The following NTSR1 variants were observed in gnomAD, a reference collection of about 807,000 sequenced individuals.
NTSR1 encodes the protein neurotensin receptor 1.
NTSR1 carries 29 observed loss-of-function variants against 31.2 expected under a neutral mutation model. The observed-to-expected ratio is 0.93, with a 90% CI of 0.69 to 1.27. The LOEUF (loss-of-function observed/expected upper bound fraction) is 1.27, where lower values mean the gene tolerates loss of function less well. NTSR1 is among the 50% of genes most tolerant of loss of function. NTSR1 has a pLI of 0.00. For synonymous variants in NTSR1, 282 were observed against 269.9 expected, an observed-to-expected ratio of 1.04 and a Z score of -0.44; for missense variants, 697 against 595.4, an observed-to-expected ratio of 1.17 and a Z score of -1.78.
At chr20:62,748,576 T>G (rs575170416) in intron 1 of NTSR1, among the ~76,000 whole-genome samples, 1 of 152,186 alleles carries the variant, frequency 6.6e-6, no homozygotes, top group African/African-American at 2.4e-5. Context: ...TAGTACCACA[T>G]AGACCCACGG....
intron 1 of NTSR1, among the ~76,000 whole-genome samples, chr20:62,718,700 C>T (rs1168790824): frequency 6.6e-6 from 1 of 152,130 alleles, no homozygotes; most frequent in Non-Finnish European, 1.5e-5. Flanking sequence ...ATTGACCAGG[C>T]GTTCCTTTTT....
chr20:62,754,950 C>T (rs894685852), intron 2 of NTSR1, 64 bp downstream of exon 2: 6 of 1,438,422 alleles, frequency 4.2e-6, no homozygotes, highest in Non-Finnish European at 5.6e-6. Flanking sequence ...GCAGCGAGCG[C>T]TGAACCACCC....
At position 62,708,964 on chromosome 20, in the gene NTSR1, A is replaced by C; in HGVS notation, c.-244A>C. On this transcript the variant is annotated 5_prime_UTR_variant, in exon 1 of 4. Transcript: ENST00000370501. The surrounding 1 kb of genome is among the most constrained non-coding windows in gnomAD (Gnocchi z 5.9). ...GCCGAGCCGGGAGACAGCCCGAGGAACCACGGGTTCTGGAGCTAGGAGCCG... is the reference window on the plus strand; with the variant it reads ...GCCGAGCCGGGAGACAGCCCGAGGACCCACGGGTTCTGGAGCTAGGAGCCG... The C allele has an allele frequency of 1.7e-5, 7 of 406,234 alleles. No individual in the cohort carries two copies. The highest frequency in any genetic ancestry group is 3.9e-5 in the East Asian group (1 of 25,728). The allele number at this position is 406,234 out of a possible 1,614,324, so 25.2% of individuals were successfully genotyped here.
In NTSR1 at chr20:62,733,641, TAGAG is replaced by T. The variant is rs750894387; in HGVS notation, c.715-21042_715-21039del. ...ACACACATGGAGAAAAAGAGGGAGATAGAGAAGAGAGAGGGAGAGAGAAAAGGAA... is the reference window on the plus strand; with the variant it reads ...ACACACATGGAGAAAAAGAGGGAGATAAGAGAGAGGGAGAGAGAAAAGGAA... On this transcript the variant is annotated intron_variant, in intron 1 of 3. Transcript: ENST00000370501. This position sits in a 1 kb window ranked among gnomAD's most constrained non-coding sequence, Gnocchi z 5.2. 1.4e-5 allele frequency among the ~76,000 whole-genome samples: 2 copies of T among 147,682 alleles called. No homozygotes were observed. The highest frequency in any genetic ancestry group is 3.0e-5 in the Non-Finnish European group (2 of 66,326).
Position 62,758,281 on chromosome 20 carries a change from C to T in NTSR1, c.932C>T (p.Ala311Val), listed in dbSNP as rs758553462. 6.2e-7 allele frequency: 1 copy of T among 1,613,644 alleles called. No individual in the cohort carries two copies. The highest frequency in any genetic ancestry group is 2.2e-5 in the East Asian group (1 of 44,892). ...TGTGCCTCAGGTGCAGTGGTCATCGCCTTTGTGGTCTGCTGGCTGCCCTAC... is the reference window on the plus strand; with the variant it reads ...TGTGCCTCAGGTGCAGTGGTCATCGTCTTTGTGGTCTGCTGGCTGCCCTAC... Reference protein sequence around the residue: ...GVRVLRAVVIAFVVCWLPYHV... With the variant: ...GVRVLRAVVIVFVVCWLPYHV... Residue 311 changes from alanine to valine, a missense_variant, in exon 3 of 4, where the codon GCC becomes GTC. Physicochemically the swap from Ala to Val is moderately conservative, Grantham distance 64 (BLOSUM62 0). Transcript: ENST00000370501. The surrounding 1 kb of genome is among the most constrained non-coding windows in gnomAD (Gnocchi z 4.5).
chr20:62,742,727 C>T lies in NTSR1; in HGVS notation c.715-11958C>T, dbSNP rs1989226154. 6.7e-6 allele frequency among the ~76,000 whole-genome samples: 1 copy of T among 149,382 alleles called. No homozygotes were observed. Among genetic ancestry groups the T allele is most frequent in the Admixed American group, 6.7e-5 (1 of 14,822 alleles). ...CTGGTCAGAGCCTCCTGGATGACCT[C>T]ACTCCTGGAAAGCGCTGGGCTGTGT... On this transcript the variant is annotated intron_variant, in intron 1 of 3. Coordinates refer to ENST00000370501, the MANE Select transcript of NTSR1 (RefSeq NM_002531.3). The surrounding 1 kb of genome is among the most constrained non-coding windows in gnomAD (Gnocchi z 7.1).
At chr20:62,728,224 C>A (rs757243668) in intron 1 of NTSR1, among the ~76,000 whole-genome samples, 1 of 152,180 alleles carries the variant, frequency 6.6e-6, no homozygotes, top group Non-Finnish European at 1.5e-5. Context: ...TCCCAGCATC[C>A]GAGCCTTGAT....
rs765485375 is a variant in NTSR1 at position 62,709,228 on chromosome 20, G to T, written c.21G>T (p.Ala7=). MRLNSS[A]PGTPGTPAAD... is the part of the protein sequence containing the mutation. ...CCACCATGCGCCTCAACAGCTCCGC[G>T]CCGGGAACCCCGGGCACGCCGGCCG... Residue 7 remains alanine, a synonymous_variant, in exon 1 of 4, where the codon GCG becomes GCT. Coordinates refer to ENST00000370501, the MANE Select transcript of NTSR1 (RefSeq NM_002531.3). 1.9e-5 allele frequency: 28 copies of T among 1,485,814 alleles called. No homozygotes were observed. Among genetic ancestry groups the T allele is most frequent in the Non-Finnish European group, 1.8e-5 (20 of 1,125,972 alleles). 92.0% of individuals were successfully genotyped at this position (1,485,814 alleles called of 1,614,324 possible). A position where few individuals can be genotyped will look rare whatever the true frequency, so the allele number is the denominator to read the frequency against.
intron 1 of NTSR1, among the ~76,000 whole-genome samples, chr20:62,713,961 G>A (rs902075420): frequency 3.2e-4 from 49 of 152,320 alleles, no homozygotes; most frequent in African/African-American, 9.9e-4. Context: ...TTAGCTGGGC[G>A]TCGTGAAGGA....
At chr20:62,755,365 CTTCA>C (rs1989474238) in intron 2 of NTSR1, among the ~76,000 whole-genome samples, 1 of 46,256 alleles carries the variant, frequency 2.2e-5, no homozygotes. Context: ...CCCTTCCTCC[CTTCA>C]TCCCTCCATC....
chr20:62,727,581 C>T (rs1027169263), intron 1 of NTSR1, among the ~76,000 whole-genome samples: 4 of 152,206 alleles, frequency 2.6e-5, no homozygotes, highest in Admixed American at 6.5e-5. Flanking sequence ...CTGAGCCCTC[C>T]GCCTCCAGCA....
intron 2 of NTSR1, among the ~76,000 whole-genome samples, chr20:62,755,118 C>CTCCCTCCATCCATCCTTCCT (rs527730197): frequency 1.4e-5 from 2 of 143,848 alleles, no homozygotes; most frequent in Non-Finnish European, 3.0e-5. Flanking sequence ...CCTTCCCTCC[C>CTCCCTCCATCCATCCTTCCT]TCCCTCCATC....
chr20:62,713,874 C>T (rs1342048550), intron 1 of NTSR1, among the ~76,000 whole-genome samples: 1 of 152,026 alleles, frequency 6.6e-6, no homozygotes, highest in East Asian at 1.9e-4. Context: ...CTGAGGCAGG[C>T]GGATCACCTG....
rs1346495174 is a variant in NTSR1, at chr20:62,744,045, T to TC, written c.715-10638dup. Among the ~76,000 whole-genome samples, 1 of 152,010 alleles carries TC rather than the reference T, an allele frequency of 6.6e-6. No homozygotes were observed. Among genetic ancestry groups the TC allele is most frequent in the Non-Finnish European group, 1.5e-5 (1 of 67,994 alleles). On this transcript the variant is annotated intron_variant, in intron 1 of 3. Transcript: ENST00000370501. This position sits in a 1 kb window ranked among gnomAD's most constrained non-coding sequence, Gnocchi z 4.1. ...TCATTATCTAACCTTTCACTCCACC[T>TC]CCGTCCTCCCCATCAAAATTACACA...
At position 62,743,578 on chromosome 20, in the gene NTSR1, G is replaced by A. The variant is rs1989241305; in HGVS notation, c.715-11107G>A. ...ACCCCAGCGGTCACCCCCTTGGGAG[G>A]GTGTGGACAGGAGCCTCCCCTCCCA... On this transcript the variant is annotated intron_variant, in intron 1 of 3. Coordinates refer to ENST00000370501, the MANE Select transcript of NTSR1 (RefSeq NM_002531.3). The surrounding 1 kb of genome is among the most constrained non-coding windows in gnomAD (Gnocchi z 7.5). Among the ~76,000 whole-genome samples, 1 of 152,148 alleles carries A rather than the reference G, an allele frequency of 6.6e-6. No homozygotes were observed. Among genetic ancestry groups the A allele is most frequent in the Non-Finnish European group, 1.5e-5 (1 of 68,026 alleles).
chr20:62,727,512 G>A (rs990174981), intron 1 of NTSR1, among the ~76,000 whole-genome samples: 3 of 152,214 alleles, frequency 2.0e-5, no homozygotes, highest in Non-Finnish European at 2.9e-5. Context: ...TTGCCCGGCC[G>A]CCGGGCTCAG....
chr20:62,719,589 C>T (rs1274762066), intron 1 of NTSR1, among the ~76,000 whole-genome samples: 2 of 152,004 alleles, frequency 1.3e-5, no homozygotes, highest in East Asian at 3.9e-4. Context: ...CTCCCCATCT[C>T]CTCCTCCCCC....
At chr20:62,726,149 G>A (rs994915035) in intron 1 of NTSR1, among the ~76,000 whole-genome samples, 1 of 152,152 alleles carries the variant, frequency 6.6e-6, no homozygotes, top group Non-Finnish European at 1.5e-5. Flanking sequence ...CAGCCCTTCC[G>A]AACCGGTCTC....
chr20:62,762,728 C>T lies in NTSR1; in HGVS notation c.*2461C>T, dbSNP rs1214215366. On this transcript the variant is annotated 3_prime_UTR_variant, in exon 4 of 4. Coordinates refer to ENST00000370501, the MANE Select transcript of NTSR1 (RefSeq NM_002531.3). ...CATCTGCAGGTGGTGAAAACAAACC[C>T]CGTGTATCTCTCAATAAAGGTGGCC... The T allele has an allele frequency of 1.3e-5, 2 of 152,224 alleles. No homozygotes were observed. Among genetic ancestry groups the T allele is most frequent in the Non-Finnish European group, 2.9e-5 (2 of 68,038 alleles). 9.4% of individuals were successfully genotyped at this position (152,224 alleles called of 1,614,324 possible). A position where few individuals can be genotyped will look rare whatever the true frequency, so the allele number is the denominator to read the frequency against.
Sources: gnomAD v4.1 joint callset for allele counts (sites outside exome capture counted in the v4.1 genomes callset) on GRCh38, gnomAD v4.1.1 for gene constraint, Gnocchi (gnomAD v3.1) non-coding constraint, MANE v1.5 for transcripts, NCBI Gene and HGNC (gene_info 2026-07-23, HGNC 2026-07-21) for gene names.